Variants in EFHC1 observed in about 807,000 individuals in gnomAD.
EFHC1 encodes the protein EF-hand domain containing 1.
EFHC1 carries 53 observed loss-of-function variants against 69.9 expected under a neutral mutation model. That is an observed-to-expected ratio of 0.76 (90% confidence interval 0.61 to 0.95). EFHC1 has a LOEUF of 0.95. Ranked by LOEUF, EFHC1 falls within the 40% of genes least tolerant of loss-of-function variation. The probability of loss-of-function intolerance (pLI) is 0.00; values close to 1 mark genes in which losing one functional copy is unlikely to be tolerated. For synonymous variants in EFHC1, 256 were observed against 278.4 expected, an observed-to-expected ratio of 0.92 and a Z score of 0.80; for missense variants, 739 against 798.7, an observed-to-expected ratio of 0.93 and a Z score of 0.90.
chr6:52,424,280 T>C, intron 2 of EFHC1, 113 bp downstream of exon 2: 1 of 1,013,828 alleles, frequency 9.9e-7, no homozygotes, highest in Non-Finnish European at 1.5e-6. Context: ...AGGAGAAAAT[T>C]GTTCAGATGC....
In EFHC1 at chr6:52,435,930, TG is replaced by T. The variant is rs1764522347; in HGVS notation, c.286-2371del. ...GTAGCAAGATGTGTGGAGAGAATAT[TG>T]GGTTGTGAGTTAATAGTCTGAATTT... On this transcript the variant is annotated intron_variant, in intron 2 of 10. Transcript: ENST00000371068. 2.0e-5 allele frequency among the ~76,000 whole-genome samples: 3 copies of T among 152,198 alleles called. 1 individual carries two copies. The South Asian group carries it at 6.2e-4, about 32-fold the overall frequency.
chr6:52,449,036 A>C (rs1764855319), intron 3 of EFHC1, among the ~76,000 whole-genome samples: 1 of 152,152 alleles, frequency 6.6e-6, no homozygotes, highest in South Asian at 2.1e-4. Context: ...TCATAGAATG[A>C]GTTAGGGAGG....
chr6:52,454,288 G>A lies in EFHC1; in HGVS notation c.916+1G>A. On this transcript the variant is annotated splice_donor_variant, in intron 5 of 10. Transcript: ENST00000371068. LOFTEE classifies it high-confidence loss of function. ...CCCAAAGTTTTGGTGGAAAATGCAA[G>A]TATGTTTGATTCAGTTTATTCTCTG... 6.2e-7 allele frequency: 1 copy of A among 1,614,044 alleles called. No homozygotes were observed. Among genetic ancestry groups the A allele is most frequent in the Non-Finnish European group, 8.5e-7 (1 of 1,179,924 alleles).
At chr6:52,440,701 G>A (rs1433834956) in intron 3 of EFHC1, among the ~76,000 whole-genome samples, 2 of 152,010 alleles carry the variant, frequency 1.3e-5, no homozygotes, top group Admixed American at 6.6e-5. Context: ...GGTCTTTTAG[G>A]AATCACTACA....
intron 10 of EFHC1, 31 bp from the exon 11 acceptor site, chr6:52,492,237 CTG>C: frequency 6.3e-7 from 1 of 1,597,770 alleles, no homozygotes; most frequent in South Asian, 1.1e-5. Flanking sequence ...CCCTGCAGAT[CTG>C]TCTCACCTAT....
chr6:52,436,170 T>C (rs1764528619), intron 2 of EFHC1, among the ~76,000 whole-genome samples: 1 of 152,228 alleles, frequency 6.6e-6, no homozygotes, highest in Non-Finnish European at 1.5e-5. Flanking sequence ...TTCTTTGCAG[T>C]TGATCTAAAA....
intron 2 of EFHC1, among the ~76,000 whole-genome samples, chr6:52,426,132 A>G (rs1764295761): frequency 2.0e-5 from 3 of 152,168 alleles, no homozygotes; most frequent in African/African-American, 4.8e-5. Context: ...TCCTCTTTCT[A>G]TAATACCTTG....
intron 2 of EFHC1, among the ~76,000 whole-genome samples, chr6:52,436,598 C>T (rs890107305): frequency 6.6e-6 from 1 of 152,096 alleles, no homozygotes; most frequent in Non-Finnish European, 1.5e-5. Context: ...TTAAAAATCC[C>T]AAAGCATGTT....
intron 2 of EFHC1, among the ~76,000 whole-genome samples, chr6:52,428,592 G>T (rs1277391608): frequency 6.6e-6 from 1 of 152,094 alleles, no homozygotes; most frequent in African/African-American, 2.4e-5. Context: ...TTGATTGATG[G>T]GTATTTGGGT....
chr6:52,473,412 T>C (rs139137718), intron 7 of EFHC1, among the ~76,000 whole-genome samples: 2,164 of 152,318 alleles, frequency 0.014, 30 homozygotes, highest in Admixed American at 0.023. Context: ...TAAAACTTCT[T>C]AGCAATAAAT....
At chr6:52,453,263 C>G (rs1764959011) in intron 4 of EFHC1, 1 of 1,288,132 alleles carries the variant, frequency 7.8e-7, no homozygotes, top group Non-Finnish European at 1.0e-6. Context: ...TGTTTAATTT[C>G]ACAGAAGCCC....
intron 7 of EFHC1, among the ~76,000 whole-genome samples, chr6:52,478,032 T>C (rs1581846120): frequency 6.6e-6 from 1 of 152,012 alleles, no homozygotes; most frequent in East Asian, 1.9e-4. Flanking sequence ...AACCCAAATG[T>C]CCAACAATGA....
intron 3 of EFHC1, among the ~76,000 whole-genome samples, chr6:52,438,801 T>C (rs1363079468): frequency 6.6e-6 from 1 of 152,194 alleles, no homozygotes; most frequent in African/African-American, 2.4e-5. Flanking sequence ...TTAATACTTA[T>C]TCACTCAAAA....
chr6:52,491,003 A>T (rs980708195), intron 10 of EFHC1: 3 of 152,402 alleles, frequency 2.0e-5, no homozygotes, highest in Non-Finnish European at 4.4e-5. Flanking sequence ...CTGATTAAAA[A>T]TATTGAGATT....
At position 52,492,663 on chromosome 6, in the gene EFHC1, G is replaced by T; in HGVS notation, c.*322G>T. 1 of 463,966 alleles carries T rather than the reference G, an allele frequency of 2.2e-6. No individual in the cohort carries two copies. The highest frequency in any genetic ancestry group is 1.6e-5 in the South Asian group (1 of 63,106). 28.7% of individuals were successfully genotyped at this position (463,966 alleles called of 1,614,324 possible). ...GGGATCTCACTCTGTCATACAGGCT[G>T]GAGTGTGGTGGCACTATCCTAGTTC... On this transcript the variant is annotated 3_prime_UTR_variant, in exon 11 of 11. Coordinates refer to ENST00000371068, the MANE Select transcript of EFHC1 (RefSeq NM_018100.4).
intron 6 of EFHC1, among the ~76,000 whole-genome samples, chr6:52,468,139 AG>A (rs930623997): frequency 1.6e-4 from 25 of 152,352 alleles, no homozygotes; most frequent in African/African-American, 5.8e-4. Flanking sequence ...GAAAGAAACC[AG>A]AACTAGGAGA....
chr6:52,447,216 G>C (rs1251996007), intron 3 of EFHC1, among the ~76,000 whole-genome samples: 2 of 152,042 alleles, frequency 1.3e-5, no homozygotes, highest in Non-Finnish European at 2.9e-5. Flanking sequence ...ACGTAGATTT[G>C]GTCTTTTCAC....
At chr6:52,471,512 T>C (rs2146312) in intron 7 of EFHC1, among the ~76,000 whole-genome samples, 49,338 of 152,012 alleles carry the variant, frequency 0.32, 8,218 homozygotes, top group Admixed American at 0.46. Context: ...TAAAGAAAAG[T>C]GACCAGAAAT....
intron 2 of EFHC1, among the ~76,000 whole-genome samples, chr6:52,427,384 C>T (rs552570087): frequency 6.6e-6 from 1 of 152,216 alleles, no homozygotes; most frequent in South Asian, 2.1e-4. Context: ...CTTGAAATGG[C>T]AGCATTTGAA....
Sources: gnomAD v4.1 joint callset for allele counts (sites outside exome capture counted in the v4.1 genomes callset) on GRCh38, gnomAD v4.1.1 for gene constraint, MANE v1.5 for transcripts, NCBI Gene and HGNC (gene_info 2026-07-23, HGNC 2026-07-21) for gene names.